RELN: variants seen among roughly 807,000 people sequenced by gnomAD.
RELN encodes reelin.
A neutral mutation model predicts 427.6 loss-of-function variants in RELN; 108 were observed. The observed-to-expected ratio is 0.25, with a 90% CI of 0.22 to 0.30. The LOEUF (loss-of-function observed/expected upper bound fraction) is 0.30. Ranked by LOEUF, RELN falls within the 10% of genes least tolerant of loss-of-function variation. The probability of loss-of-function intolerance (pLI) is 1.00; values close to 1 mark genes in which losing one functional copy is unlikely to be tolerated. For missense variants in RELN, 3,715 were observed against 4,302.8 expected, an observed-to-expected ratio of 0.86 and a Z score of 3.82; for synonymous variants, 1,524 against 1,513.4, an observed-to-expected ratio of 1.01 and a Z score of -0.16.
intron 2 of RELN, among the ~76,000 whole-genome samples, chr7:103,910,152 G>C (rs1004287649): frequency 8.0e-6 from 1 of 124,728 alleles, no homozygotes; most frequent in African/African-American, 3.3e-5. Context: ...GGATTCCTAG[G>C]TATTTTATTC....
intron 14 of RELN, 78 bp downstream of exon 14, chr7:103,652,473 A>G (rs1204964917): frequency 2.6e-6 from 3 of 1,144,434 alleles, no homozygotes; most frequent in Non-Finnish European, 3.9e-6. Flanking sequence ...AACTCTACCT[A>G]GAAACTACCT....
intron 6 of RELN, among the ~76,000 whole-genome samples, chr7:103,743,690 A>G (rs915139211): frequency 6.6e-6 from 1 of 152,232 alleles, no homozygotes; most frequent in African/African-American, 2.4e-5. Context: ...TGGTAAAGGG[A>G]TCAATTCAAC....
At chr7:103,511,928 G>A (rs1015594255) in intron 50 of RELN, among the ~76,000 whole-genome samples, 1 of 152,126 alleles carries the variant, frequency 6.6e-6, no homozygotes, top group African/African-American at 2.4e-5. Context: ...CACAAGCAGG[G>A]CACCAAATCG....
At chr7:103,916,397 T>C (rs966959713) in intron 2 of RELN, among the ~76,000 whole-genome samples, 1 of 152,194 alleles carries the variant, frequency 6.6e-6, no homozygotes, top group Non-Finnish European at 1.5e-5. Flanking sequence ...TAAACTGATA[T>C]ATTAAGTTTG....
chr7:103,614,459 T>A (rs1394092457), intron 20 of RELN, among the ~76,000 whole-genome samples: 2 of 152,220 alleles, frequency 1.3e-5, no homozygotes, highest in Non-Finnish European at 2.9e-5. Context: ...ATCAATGGAA[T>A]TGGCTGCCAT....
At chr7:103,656,889 T>G (rs1408184358) in intron 12 of RELN, among the ~76,000 whole-genome samples, 2 of 152,094 alleles carry the variant, frequency 1.3e-5, no homozygotes, top group African/African-American at 2.4e-5. Flanking sequence ...TTCAGGTATA[T>G]AGATCCACTT....
chr7:103,826,378 A>T (rs39348), intron 3 of RELN, among the ~76,000 whole-genome samples: 43,799 of 147,604 alleles, frequency 0.3, 6,558 homozygotes, highest in East Asian at 0.41. Flanking sequence ...ACATATTTAC[A>T]TATCTAAATA....
chr7:103,490,284 C>T (rs1311646364), intron 59 of RELN, among the ~76,000 whole-genome samples: 1 of 152,166 alleles, frequency 6.6e-6, no homozygotes, highest in Non-Finnish European at 1.5e-5. Context: ...CCTGCACACC[C>T]AGCTGGTATT....
intron 3 of RELN, among the ~76,000 whole-genome samples, chr7:103,780,519 T>G (rs992300154): frequency 3.3e-5 from 5 of 152,148 alleles, no homozygotes; most frequent in Admixed American, 2.6e-4. Context: ...CTAGTACACA[T>G]TAGTTATTTT....
chr7:103,575,797 CTT>C, intron 28 of RELN, 92 bp from the exon 29 acceptor site: 1 of 1,392,738 alleles, frequency 7.2e-7, no homozygotes, highest in Non-Finnish European at 1.0e-6. Flanking sequence ...TCAACAGAGA[CTT>C]AATATTTATT....
At chr7:103,873,110 G>T (rs1470418666) in intron 2 of RELN, among the ~76,000 whole-genome samples, 2 of 151,386 alleles carry the variant, frequency 1.3e-5, no homozygotes, top group Non-Finnish European at 2.9e-5. Context: ...TGACTACTGG[G>T]TACATAATGA....
chr7:103,791,789 A>G (rs1792167942), intron 3 of RELN, among the ~76,000 whole-genome samples: 1 of 152,148 alleles, frequency 6.6e-6, no homozygotes, highest in Non-Finnish European at 1.5e-5. Flanking sequence ...TTTTAAAAAA[A>G]AAGACCCACA....
rs1830656402 is a variant in RELN, at chr7:103,562,033, C to T, written c.5211-80G>A. 2.6e-6 allele frequency: 4 copies of T among 1,519,144 alleles called. No individual in the cohort carries two copies. The African/African-American group carries it at 4.2e-5, about 16-fold the overall frequency. The allele number at this position is 1,519,144 out of a possible 1,614,324, so 94.1% of individuals were successfully genotyped here. A position where few individuals can be genotyped will look rare whatever the true frequency, so the allele number is the denominator to read the frequency against. On this transcript the variant is annotated intron_variant, in intron 34 of 64. Transcript: ENST00000428762. The stretch of plus-strand genomic sequence containing the variant: ...AAGCACAAGGACATTTATTTTAATT[C>T]CCTTTTCTCTTTAAAGTGCCTTCCT...
chr7:103,495,564 A>G (rs983788508), intron 57 of RELN, among the ~76,000 whole-genome samples, 159 bp downstream of exon 57: 1 of 152,240 alleles, frequency 6.6e-6, no homozygotes, highest in Non-Finnish European at 1.5e-5. Context: ...TCATACTTGA[A>G]TAAAGGTCTT....
chr7:103,511,334 A>G (rs1177937909), intron 50 of RELN, among the ~76,000 whole-genome samples: 1 of 152,220 alleles, frequency 6.6e-6, no homozygotes, highest in Non-Finnish European at 1.5e-5. Context: ...GATAGCATAT[A>G]AAGAAGTAGA....
intron 30 of RELN, 136 bp from the exon 31 acceptor site, chr7:103,572,396 G>A: frequency 1.6e-6 from 1 of 644,616 alleles, no homozygotes; most frequent in South Asian, 1.8e-5. Flanking sequence ...CATATGAGAA[G>A]CAGAAAATAC....
rs150019427 is a variant in RELN, at chr7:103,964,798, A to G, written c.226+24333T>C. ...AAGTCCTCTAAAATGGGACCACTGGAAGAGTACTGTTGAGTGAGACCACTT... is the reference window on the plus strand; with the variant it reads ...AAGTCCTCTAAAATGGGACCACTGGGAGAGTACTGTTGAGTGAGACCACTT... On this transcript the variant is annotated intron_variant, in intron 1 of 64. Transcript: ENST00000428762. Among the ~76,000 whole-genome samples the G allele has an allele frequency of 2.9e-3, 449 of 152,322 alleles. 1 individual carries two copies. Among genetic ancestry groups the G allele is most frequent in the African/African-American group, 0.01 (432 of 41,570 alleles).
chr7:103,488,989 G>T (rs1828546430), intron 60 of RELN, among the ~76,000 whole-genome samples: 1 of 152,196 alleles, frequency 6.6e-6, no homozygotes, highest in Non-Finnish European at 1.5e-5. Context: ...TGAGGATATA[G>T]AATGTTAACT....
chr7:103,664,162 A>C (rs1833205449), intron 11 of RELN, among the ~76,000 whole-genome samples: 1 of 152,178 alleles, frequency 6.6e-6, no homozygotes, highest in South Asian at 2.1e-4. Context: ...CTTCCAATAC[A>C]TGTTGGCTAT....
Sources: gnomAD v4.1 joint callset for allele counts (sites outside exome capture counted in the v4.1 genomes callset) on GRCh38, gnomAD v4.1.1 for gene constraint, MANE v1.5 for transcripts, NCBI Gene and HGNC (gene_info 2026-07-23, HGNC 2026-07-21) for gene names.